The following GNAL variants were observed in gnomAD, a reference collection of about 807,000 sequenced individuals.
The protein encoded by GNAL is guanine nucleotide-binding protein G(olf) subunit alpha.
GNAL carries 18 observed loss-of-function variants against 55.1 expected under a neutral mutation model. The ratio of observed to expected loss-of-function variants is 0.33; its 90% CI spans 0.23 to 0.48. The LOEUF (loss-of-function observed/expected upper bound fraction) is 0.48. GNAL is among the 20% of genes least tolerant of loss of function. The pLI is 0.99. For synonymous variants in GNAL, 253 were observed against 237.0 expected (o/e 1.07, Z -0.62); for missense variants, 412 against 614.1 (o/e 0.67, Z 3.48).
intron 4 of GNAL, among the ~76,000 whole-genome samples, chr18:11,788,913 A>T (rs2034142305): frequency 9.2e-6 from 1 of 108,494 alleles, no homozygotes; most frequent in Non-Finnish European, 1.9e-5. Context: ...AAAAAAAAAA[A>T]AATATATATA....
intron 4 of GNAL, among the ~76,000 whole-genome samples, chr18:11,798,906 A>T (rs899355511): frequency 8.6e-5 from 13 of 151,994 alleles, no homozygotes; most frequent in Admixed American, 3.3e-4. Context: ...CAGATCAGGA[A>T]TTTGAGACCA....
At chr18:11,831,621 T>C (rs1431086479) in intron 5 of GNAL, among the ~76,000 whole-genome samples, 3 of 152,210 alleles carry the variant, frequency 2.0e-5, no homozygotes, top group Admixed American at 2.0e-4. Context: ...GGAAAAGTAT[T>C]CTGTTCTTGC....
At chr18:11,802,398 G>A (rs953374995) in intron 4 of GNAL, among the ~76,000 whole-genome samples, 1 of 152,104 alleles carries the variant, frequency 6.6e-6, no homozygotes, top group Non-Finnish European at 1.5e-5. Flanking sequence ...TTGCCTTGGT[G>A]ATGTGGTTGA....
intron 1 of GNAL, among the ~76,000 whole-genome samples, chr18:11,699,605 C>T (rs1179778127): frequency 6.6e-6 from 1 of 151,634 alleles, no homozygotes; most frequent in Non-Finnish European, 1.5e-5. Context: ...TACTGAAAAA[C>T]AGAAAATTAC....
intron 4 of GNAL, among the ~76,000 whole-genome samples, chr18:11,771,300 TATC>T (rs1393059488): frequency 1.3e-5 from 2 of 151,648 alleles, no homozygotes; most frequent in African/African-American, 2.4e-5. Flanking sequence ...TAGTGTGTTA[TATC>T]ATCATGTGAA....
At chr18:11,745,072 TTAAAGTA>T (rs1400806361) in intron 1 of GNAL, among the ~76,000 whole-genome samples, 1 of 152,208 alleles carries the variant, frequency 6.6e-6, no homozygotes, top group Non-Finnish European at 1.5e-5. Flanking sequence ...TTAATAACCT[TTAAAGTA>T]TAAAGACTAC....
At chr18:11,763,541 T>C (rs2143202314) in intron 4 of GNAL, among the ~76,000 whole-genome samples, 1 of 152,066 alleles carries the variant, frequency 6.6e-6, no homozygotes, top group East Asian at 1.9e-4. Context: ...CATGCCTGGC[T>C]AATTTTTGTA....
At chr18:11,839,636 T>G (rs2035571265) in intron 5 of GNAL, among the ~76,000 whole-genome samples, 1 of 151,990 alleles carries the variant, frequency 6.6e-6, no homozygotes, top group African/African-American at 2.4e-5. Flanking sequence ...TATTCACAAT[T>G]GGGCAAAAAG....
Position 11,751,387 on chromosome 18 carries a change from C to G in GNAL, c.377-1466C>G, listed in dbSNP as rs1568009514. 1 of 424,424 alleles carries G rather than the reference C, an allele frequency of 2.4e-6. No homozygotes were observed. The highest frequency in any genetic ancestry group is 3.2e-6 in the Non-Finnish European group (1 of 317,078). The allele number at this position is 424,424 out of a possible 1,614,324, so 26.3% of individuals were successfully genotyped here. A position where few individuals can be genotyped will look rare whatever the true frequency, so the allele number is the denominator to read the frequency against. ...AGTGCCTTCTGGAAGAGTTGTTGTG[C>G]TGCTTGGGAGCACTGCACAGGAGAA... On this transcript the variant is annotated intron_variant, in intron 1 of 11. Coordinates refer to ENST00000334049, the MANE Select transcript of GNAL (RefSeq NM_182978.4). This position sits in a 1 kb window ranked among gnomAD's most constrained non-coding sequence, Gnocchi z 4.5.
intron 1 of GNAL, among the ~76,000 whole-genome samples, chr18:11,701,170 A>T (rs1348316932): frequency 6.6e-6 from 1 of 152,200 alleles, no homozygotes; most frequent in African/African-American, 2.4e-5. Context: ...CAAGAACATG[A>T]TTCCAGGGAT....
At position 11,689,899 on chromosome 18, in the gene GNAL, G is replaced by A. The variant is rs746008346; in HGVS notation, c.336G>A (p.Gln112=). 5.4e-6 allele frequency: 8 copies of A among 1,475,418 alleles called. No homozygotes were observed. Among genetic ancestry groups the A allele is most frequent in the Non-Finnish European group, 7.2e-6 (8 of 1,112,692 alleles). 91.4% of individuals were successfully genotyped at this position (1,475,418 alleles called of 1,614,324 possible). ...GCATCGACCGCATGCTGCGCGACCA[G>A]AAGCGCGACCTGCAGCAGACGCACC... ...SRGIDRMLRD[Q]KRDLQQTHRL... Residue 112 remains glutamine (Q), a synonymous_variant, in exon 1 of 12, where the codon CAG becomes CAA. Transcript: ENST00000334049.
rs1295596856 is a variant in GNAL, at chr18:11,885,436, A to G, written c.*4301A>G. Reference sequence around the variant, plus strand: ...GAGGATACGGCCCTCCCTGAAGGATAAAGTCCACCTGGACGGTGCCCTGCC... The same window carrying G: ...GAGGATACGGCCCTCCCTGAAGGATGAAGTCCACCTGGACGGTGCCCTGCC... On this transcript the variant is annotated 3_prime_UTR_variant, in exon 12 of 12. Coordinates refer to ENST00000334049, the MANE Select transcript of GNAL (RefSeq NM_182978.4). 9 of 529,924 alleles carry G rather than the reference A, an allele frequency of 1.7e-5. No homozygotes were observed. The Admixed American group carries it at 2.4e-4, about 14-fold the overall frequency. The allele number at this position is 529,924 out of a possible 1,614,324, so 32.8% of individuals were successfully genotyped here. A position where few individuals can be genotyped will look rare whatever the true frequency, so the allele number is the denominator to read the frequency against.
intron 4 of GNAL, 85 bp downstream of exon 4, chr18:11,754,030 A>G (rs1448707744): frequency 5.1e-6 from 5 of 978,190 alleles, no homozygotes; most frequent in South Asian, 1.4e-5. Context: ...CAATATTGAT[A>G]CTAATTCATT....
chr18:11,865,680 A>G (rs1334375560), intron 7 of GNAL, among the ~76,000 whole-genome samples: 2 of 145,466 alleles, frequency 1.4e-5, no homozygotes, highest in Non-Finnish European at 3.0e-5. Context: ...TCTTAAGCCC[A>G]GGAATTCAAG....
At chr18:11,777,974 C>CT (rs2033828878) in intron 4 of GNAL, among the ~76,000 whole-genome samples, 1 of 152,192 alleles carries the variant, frequency 6.6e-6, no homozygotes, top group Non-Finnish European at 1.5e-5. Flanking sequence ...CCCTTCGCCC[C>CT]TCACTGGGCT....
rs1212495013 is a variant in GNAL, at chr18:11,824,941, A to G, written c.648A>G (p.Lys216=). Residue 216 remains lysine (K), a synonymous_variant, in exon 5 of 12, where the codon AAA becomes AAG. Coordinates refer to ENST00000334049, the MANE Select transcript of GNAL (RefSeq NM_182978.4). ...AGGAATTCTTTGACCATGTGAAAAA[A>G]CTTTGGGACGATGAAGGCGTGAAGG... is the stretch of plus-strand genomic sequence containing the variant. ...YSQEFFDHVK[K]LWDDEGVKAC... The G allele has an allele frequency of 1.3e-6, 2 of 1,599,018 alleles. No individual in the cohort carries two copies. The highest frequency in any genetic ancestry group is 1.7e-5 in the Admixed American group (1 of 58,932).
intron 4 of GNAL, among the ~76,000 whole-genome samples, chr18:11,773,996 A>G (rs756111130): frequency 5.3e-4 from 81 of 152,176 alleles, no homozygotes; most frequent in Non-Finnish European, 1.3e-4. Context: ...AAATGGGGAT[A>G]ATAATAATAA....
chr18:11,841,380 G>A (rs140995811), intron 5 of GNAL, among the ~76,000 whole-genome samples: 49 of 152,078 alleles, frequency 3.2e-4, no homozygotes, highest in African/African-American at 1.1e-3. Context: ...GGCCGGGCAC[G>A]GTGGCCTATA....
chr18:11,790,661 C>CTTTTTTTTTTTTTT (rs397941591), intron 4 of GNAL, among the ~76,000 whole-genome samples: 9 of 71,452 alleles, frequency 1.3e-4, no homozygotes, highest in Admixed American at 2.2e-4. Flanking sequence ...CTTTTTTTTT[C>CTTTTTTTTTTTTTT]TTTTTTTTTT....
Sources: gnomAD v4.1 joint callset for allele counts (sites outside exome capture counted in the v4.1 genomes callset) on GRCh38, gnomAD v4.1.1 for gene constraint, Gnocchi (gnomAD v3.1) non-coding constraint, MANE v1.5 for transcripts, NCBI Gene and HGNC (gene_info 2026-07-23, HGNC 2026-07-21) for gene names.